C1orf185: variants seen among roughly 807,000 people sequenced by gnomAD.
C1orf185 encodes the protein uncharacterized protein C1orf185.
C1orf185 carries 13 observed loss-of-function variants against 16.1 expected under a neutral mutation model. The observed-to-expected ratio is 0.81, with a 90% CI of 0.53 to 1.28. The LOEUF (loss-of-function observed/expected upper bound fraction) is 1.28. C1orf185 is among the 50% of genes most tolerant of loss of function. The pLI is 0.00. For synonymous variants in C1orf185, 80 were observed against 76.9 expected, an observed-to-expected ratio of 1.04 and a Z score of -0.21; for missense variants, 220 against 225.2, an observed-to-expected ratio of 0.98 and a Z score of 0.15.
intron 3 of C1orf185, among the ~76,000 whole-genome samples, chr1:51,127,860 A>G (rs2148021741): frequency 6.7e-6 from 1 of 149,002 alleles, no homozygotes; most frequent in East Asian, 2.0e-4. Context: ...TTTAGTGAAC[A>G]TATATTCTCA....
chr1:51,130,992 TC>T (rs1646279109), intron 3 of C1orf185, among the ~76,000 whole-genome samples: 1 of 152,318 alleles, frequency 6.6e-6, no homozygotes, highest in African/African-American at 2.4e-5. Flanking sequence ...AACCTCCACC[TC>T]CCAGGTTCAA....
At chr1:51,134,124 A>T (rs938169309) in intron 3 of C1orf185, among the ~76,000 whole-genome samples, 46 of 152,186 alleles carry the variant, frequency 3.0e-4, no homozygotes, top group African/African-American at 1.1e-3. Flanking sequence ...AAAGAACAGA[A>T]ATCATAACAA....
At chr1:51,143,231 C>T (rs1230961502) in intron 3 of C1orf185, among the ~76,000 whole-genome samples, 3 of 152,200 alleles carry the variant, frequency 2.0e-5, no homozygotes, top group Non-Finnish European at 2.9e-5. Flanking sequence ...TTTTATCAGA[C>T]TTTACTCTCT....
intron 3 of C1orf185, among the ~76,000 whole-genome samples, chr1:51,145,134 T>C (rs1646390542): frequency 6.6e-6 from 1 of 152,054 alleles, no homozygotes; most frequent in Non-Finnish European, 1.5e-5. Context: ...AGCAATGCTT[T>C]ATTTGCTATA....
intron 3 of C1orf185, among the ~76,000 whole-genome samples, chr1:51,138,130 T>C (rs781568159): frequency 2.0e-5 from 3 of 152,076 alleles, no homozygotes; most frequent in Non-Finnish European, 4.4e-5. Flanking sequence ...GGTGATGAAA[T>C]AATCTGTACA....
chr1:51,147,778 A>G lies in C1orf185; in HGVS notation c.*7A>G, dbSNP rs1021063995. ...ACTGAATGACACTTTATGACCATCA[A>G]AAAGATGACTACATTAAGGGAAAAT... On this transcript the variant is annotated 3_prime_UTR_variant, in exon 5 of 5. Transcript: ENST00000371759. The G allele has an allele frequency of 8.7e-6, 13 of 1,497,466 alleles. No individual in the cohort carries two copies. The African/African-American group carries it at 1.4e-4, about 16-fold the overall frequency. The allele number at this position is 1,497,466 out of a possible 1,614,324, so 92.8% of individuals were successfully genotyped here.
intron 3 of C1orf185, among the ~76,000 whole-genome samples, chr1:51,124,932 A>G (rs1268744358): frequency 2.6e-5 from 4 of 152,174 alleles, no homozygotes; most frequent in African/African-American, 9.7e-5. Context: ...CCCACCTCAG[A>G]GATTACTCTT....
chr1:51,137,811 T>G (rs946887766), intron 3 of C1orf185, among the ~76,000 whole-genome samples: 2 of 152,168 alleles, frequency 1.3e-5, no homozygotes, highest in African/African-American at 4.8e-5. Context: ...TAAATGCCCA[T>G]CAGTGGTAGA....
intron 3 of C1orf185, among the ~76,000 whole-genome samples, chr1:51,132,372 A>G (rs1299432912): frequency 7.2e-5 from 11 of 152,302 alleles, no homozygotes; most frequent in Admixed American, 7.2e-4. Flanking sequence ...CTGACAGACA[A>G]AATAGTCAGT....
chr1:51,127,099 G>C (rs1204609511), intron 3 of C1orf185, among the ~76,000 whole-genome samples: 1 of 151,918 alleles, frequency 6.6e-6, no homozygotes, highest in Non-Finnish European at 1.5e-5. Context: ...AATATTTTGA[G>C]ATTAATTACC....
chr1:51,122,893 A>G (rs76083709), intron 3 of C1orf185, among the ~76,000 whole-genome samples: 5,538 of 152,302 alleles, frequency 0.036, 161 homozygotes, highest in Non-Finnish European at 0.055. Flanking sequence ...AGCAATGTGC[A>G]TTTAAGCTTT....
intron 1 of C1orf185, among the ~76,000 whole-genome samples, chr1:51,109,872 G>T (rs1646103254): frequency 1.3e-5 from 2 of 152,038 alleles, no homozygotes. Flanking sequence ...TAGCTATTCA[G>T]GGTGTTTTGT....
rs146343330 is a variant in C1orf185, at chr1:51,124,924, C to T, written c.258+6123C>T. ...CTGCTGGCTTCCTAACCTCATTCCC[C>T]ACCTCAGAGATTACTCTTCCTTAAT... is the stretch of plus-strand genomic sequence containing the variant. On this transcript the variant is annotated intron_variant, in intron 3 of 4. Coordinates refer to ENST00000371759, the MANE Select transcript of C1orf185 (RefSeq NM_001136508.2). Among the ~76,000 whole-genome samples the T allele has an allele frequency of 2.5e-4, 38 of 152,308 alleles. 3 individuals are homozygous for T. Among genetic ancestry groups the T allele is most frequent in the African/African-American group, 8.9e-4 (37 of 41,566 alleles).
At chr1:51,116,562 C>T (rs1034423042) in intron 2 of C1orf185, among the ~76,000 whole-genome samples, 14 of 152,120 alleles carry the variant, frequency 9.2e-5, no homozygotes, top group African/African-American at 3.4e-4. Flanking sequence ...GATCCGCCCT[C>T]CTCGGCCTCC....
intron 4 of C1orf185, among the ~76,000 whole-genome samples, chr1:51,147,147 A>G (rs1041659883): frequency 6.6e-6 from 1 of 152,196 alleles, no homozygotes. Flanking sequence ...GAAAAATGAT[A>G]GTTTATTAAT....
At chr1:51,124,587 A>G (rs1390351123) in intron 3 of C1orf185, among the ~76,000 whole-genome samples, 1 of 152,226 alleles carries the variant, frequency 6.6e-6, no homozygotes, top group Non-Finnish European at 1.5e-5. Context: ...GCTCTTATCA[A>G]CTGTGATTAT....
intron 2 of C1orf185, among the ~76,000 whole-genome samples, chr1:51,118,210 G>A (rs1054249268): frequency 6.6e-6 from 1 of 152,280 alleles, no homozygotes; most frequent in East Asian, 1.9e-4. Flanking sequence ...GTAAGCCACC[G>A]CACCAGCCCC....
intron 1 of C1orf185, among the ~76,000 whole-genome samples, chr1:51,105,027 G>A (rs1437131428): frequency 2.0e-5 from 3 of 150,586 alleles, no homozygotes; most frequent in South Asian, 2.1e-4. Context: ...GTGCAATCTC[G>A]GCTCACTGCA....
intron 3 of C1orf185, among the ~76,000 whole-genome samples, chr1:51,143,215 C>A (rs996846032): frequency 6.6e-6 from 1 of 152,178 alleles, no homozygotes; most frequent in Admixed American, 6.5e-5. Context: ...ATACGAATAT[C>A]CTTCTTTTTA....
Sources: gnomAD v4.1 joint callset for allele counts (sites outside exome capture counted in the v4.1 genomes callset) on GRCh38, gnomAD v4.1.1 for gene constraint, MANE v1.5 for transcripts, NCBI Gene and HGNC (gene_info 2026-07-23, HGNC 2026-07-21) for gene names.